The following TRPM3 variants were observed in gnomAD, a reference collection of about 807,000 sequenced individuals.
TRPM3 encodes long transient receptor potential channel 3.
Under a neutral mutation model 181.2 loss-of-function variants are expected in TRPM3, and 77 were observed. The ratio of observed to expected loss-of-function variants is 0.42; its 90% CI spans 0.35 to 0.51. The LOEUF (loss-of-function observed/expected upper bound fraction) is 0.51. TRPM3 is among the 20% of genes least tolerant of loss of function. TRPM3 has a pLI of 0.01. For synonymous variants in TRPM3, 745 were observed against 796.4 expected, an observed-to-expected ratio of 0.94 and a Z score of 1.09; for missense variants, 1,759 against 2,196.7, an observed-to-expected ratio of 0.80 and a Z score of 3.98.
chr9:70,833,143 G>C (rs990371562), intron 5 of TRPM3, among the ~76,000 whole-genome samples: 5 of 152,326 alleles, frequency 3.3e-5, no homozygotes, highest in African/African-American at 1.2e-4. Context: ...AGTTAACGCA[G>C]AATAGTGACC....
At chr9:70,810,552 C>T (rs1254381161) in intron 6 of TRPM3, among the ~76,000 whole-genome samples, 1 of 152,070 alleles carries the variant, frequency 6.6e-6, no homozygotes, top group East Asian at 1.9e-4. Flanking sequence ...CAAAGTTTTG[C>T]TTGATGACTC....
chr9:70,789,964 T>C (rs1483328493), intron 6 of TRPM3, among the ~76,000 whole-genome samples: 1 of 152,242 alleles, frequency 6.6e-6, no homozygotes, highest in Non-Finnish European at 1.5e-5. Context: ...GTGTCAGGAA[T>C]GAAAGAATGT....
chr9:71,051,605 G>A (rs2060069887), intron 1 of TRPM3, among the ~76,000 whole-genome samples: 1 of 152,030 alleles, frequency 6.6e-6, no homozygotes, highest in Admixed American at 6.6e-5. Flanking sequence ...GGCGGGGTGG[G>A]GGGGTTATAT....
chr9:71,182,751 G>A (rs780750073), intron 1 of TRPM3, among the ~76,000 whole-genome samples: 29 of 151,978 alleles, frequency 1.9e-4, no homozygotes, highest in Non-Finnish European at 3.8e-4. Flanking sequence ...AACCTCCAAC[G>A]CCGTGGTTCA....
chr9:71,443,188 C>T (rs1394658277), intron 1 of TRPM3, among the ~76,000 whole-genome samples: 3 of 151,958 alleles, frequency 2.0e-5, no homozygotes, highest in Non-Finnish European at 4.4e-5. Context: ...ACCACTTTAC[C>T]GTATCGGAAT....
chr9:71,325,237 C>G (rs2089582076), intron 1 of TRPM3, among the ~76,000 whole-genome samples: 1 of 152,036 alleles, frequency 6.6e-6, no homozygotes, highest in African/African-American at 2.4e-5. Flanking sequence ...GATATTAAAA[C>G]AAAGTTTTAC....
intron 1 of TRPM3, among the ~76,000 whole-genome samples, chr9:71,191,405 C>G (rs910802762): frequency 2.0e-5 from 3 of 151,886 alleles, no homozygotes; most frequent in Non-Finnish European, 4.4e-5. Flanking sequence ...CTTTCCACAG[C>G]TAACCTCTCC....
chr9:71,423,824 A>G (rs1259806034), intron 1 of TRPM3, among the ~76,000 whole-genome samples: 1 of 152,056 alleles, frequency 6.6e-6, no homozygotes, highest in Non-Finnish European at 1.5e-5. Context: ...CCCGGAGATG[A>G]CTTTGGACCC....
intron 1 of TRPM3, among the ~76,000 whole-genome samples, chr9:71,185,621 C>T (rs557692780): frequency 1.4e-5 from 2 of 139,544 alleles, no homozygotes; most frequent in East Asian, 2.2e-4. Flanking sequence ...TGACAGAATT[C>T]GTGTTTATTT....
At chr9:71,124,979 A>G (rs2073943318), upstream of TRPM3, among the ~76,000 whole-genome samples, 2 of 152,152 alleles carry the variant, frequency 1.3e-5, no homozygotes, top group Admixed American at 6.5e-5. Context: ...CTGGACATCA[A>G]TTGTACATAT....
intron 1 of TRPM3, among the ~76,000 whole-genome samples, chr9:71,199,280 T>G: frequency 6.6e-6 from 1 of 152,002 alleles, no homozygotes; most frequent in Non-Finnish European, 1.5e-5. Flanking sequence ...TTTGCCAGTA[T>G]TTTATTGAGG....
At chr9:70,882,696 T>C (rs1011511206) in intron 1 of TRPM3, among the ~76,000 whole-genome samples, 8 of 152,152 alleles carry the variant, frequency 5.3e-5, no homozygotes, top group Admixed American at 4.6e-4. Flanking sequence ...GTTCTCAAGT[T>C]CTTGGAAGTT....
chr9:71,205,218 A>C (rs2079054603), intron 1 of TRPM3, among the ~76,000 whole-genome samples: 2 of 148,124 alleles, frequency 1.4e-5, no homozygotes, highest in Non-Finnish European at 3.0e-5. Context: ...AAAAAAAAGT[A>C]ATGCACGAAT....
Position 70,964,852 on chromosome 9 carries a change from T to C in TRPM3, c.178-100341A>G, listed in dbSNP as rs563813911. Among the ~76,000 whole-genome samples the C allele has an allele frequency of 1.4e-4, 22 of 152,286 alleles. No individual in the cohort carries two copies. The Middle Eastern group carries it at 0.017, about 118-fold the overall frequency. ...GACCTTTTCTGACTCTTTTCTGTTA[T>C]ATGGGACAATAAAAGTTGAGATCAG... On this transcript the variant is annotated intron_variant, in intron 1 of 25. Transcript: ENST00000677713.
intron 1 of TRPM3, among the ~76,000 whole-genome samples, chr9:71,056,110 C>T (rs535828644): frequency 1.4e-4 from 22 of 151,978 alleles, no homozygotes; most frequent in Admixed American, 3.9e-4. Flanking sequence ...AAGTATCTGA[C>T]GGCAGAGCAT....
At chr9:71,193,487 C>T (rs2078155085) in intron 1 of TRPM3, among the ~76,000 whole-genome samples, 1 of 151,790 alleles carries the variant, frequency 6.6e-6, no homozygotes, top group Admixed American at 6.6e-5. Context: ...CTTTCTCTAC[C>T]AGCACCTCCT....
chr9:70,899,756 A>T (rs2096355881), intron 1 of TRPM3, among the ~76,000 whole-genome samples: 1 of 152,196 alleles, frequency 6.6e-6, no homozygotes, highest in South Asian at 2.1e-4. Flanking sequence ...TCTCAAATAG[A>T]CTGTGAACAA....
At chr9:71,408,556 A>G (rs994927180) in intron 1 of TRPM3, among the ~76,000 whole-genome samples, 1 of 152,204 alleles carries the variant, frequency 6.6e-6, no homozygotes, top group Non-Finnish European at 1.5e-5. Flanking sequence ...TTTAGAGGAA[A>G]AAGAGTAAAA....
intron 1 of TRPM3, among the ~76,000 whole-genome samples, chr9:70,886,787 C>T (rs2096091304): frequency 6.6e-6 from 1 of 152,018 alleles, no homozygotes; most frequent in African/African-American, 2.4e-5. Context: ...GCCTCAGCCT[C>T]CTGTGTAGCT....
Sources: gnomAD v4.1 joint callset for allele counts (sites outside exome capture counted in the v4.1 genomes callset) on GRCh38, gnomAD v4.1.1 for gene constraint, MANE v1.5 for transcripts, NCBI Gene and HGNC (gene_info 2026-07-23, HGNC 2026-07-21) for gene names.